The following MGARP variants were observed in gnomAD, a reference collection of about 807,000 sequenced individuals.
MGARP encodes the protein mitochondria localized glutamic acid rich protein.
Under a neutral mutation model 11.0 loss-of-function variants are expected in MGARP, and 12 were observed. The ratio of observed to expected loss-of-function variants is 1.09; its 90% CI spans 0.70 to 1.77. The LOEUF is 1.77. MGARP is among the 40% of genes most tolerant of loss of function. The pLI, the probability that MGARP is intolerant of heterozygous loss-of-function variation, is 0.00. For synonymous variants in MGARP, 110 were observed against 115.4 expected, an observed-to-expected ratio of 0.95 and a Z score of 0.30; for missense variants, 283 against 297.8, an observed-to-expected ratio of 0.95 and a Z score of 0.36.
chr4:139,280,030 C>T (rs1198029741), intron 1 of MGARP, 47 bp downstream of exon 1: 3 of 1,598,250 alleles, frequency 1.9e-6, no homozygotes, highest in Non-Finnish European at 2.6e-6. Context: ...GCGAAATCTG[C>T]ACCCGAGGCG....
rs1744936715 is a variant in MGARP, at chr4:139,280,126, CAG to C, written c.31_32del (p.Leu11GlyfsTer25). On this transcript the variant is annotated frameshift_variant, in exon 1 of 4. Transcript: ENST00000398955. LOFTEE classifies it high-confidence loss of function. MYLRRAVSKT[L>X]ALPLRAPPNP... ...TGGGGGGCGCCCTCAGCGGCAGCGC[CAG>C]AGTCTTGGAGACCGCCCTGCGGAGA... 6.2e-6 allele frequency: 10 copies of C among 1,611,772 alleles called. No individual in the cohort carries two copies. Among genetic ancestry groups the C allele is most frequent in the Non-Finnish European group, 7.6e-6 (9 of 1,179,716 alleles).
At chr4:139,279,929 G>T in intron 1 of MGARP, 148 bp downstream of exon 1, 1 of 798,986 alleles carries the variant, frequency 1.3e-6, no homozygotes, top group Non-Finnish European at 2.0e-6. Context: ...CTTCCCGGGA[G>T]TCTCCCCCAG....
chr4:139,271,972 T>C (rs145881526), intron 2 of MGARP, among the ~76,000 whole-genome samples: 1 of 152,232 alleles, frequency 6.6e-6, no homozygotes, highest in East Asian at 1.9e-4. Context: ...TGGTACATAT[T>C]AATATAATCA....
rs1161597102 is a variant in MGARP at position 139,280,098 on chromosome 4, G to T, written c.61C>A (p.Pro21Thr). The part of the protein sequence containing the change: ...LALPLRAPPN[P>T]APLGKDASLR... ...TCACCGTCCTTTCCGAGCGGCGCGG[G>T]GTTGGGGGGCGCCCTCAGCGGCAGC... The change falls in exon 1 of 4, where the codon CCC becomes ACC. Residue 21 changes from proline (P) to threonine (T), a missense_variant. Coordinates refer to ENST00000398955, the MANE Select transcript of MGARP (RefSeq NM_032623.4). 6.2e-7 allele frequency: 1 copy of T among 1,612,236 alleles called. No individual in the cohort carries two copies. Among genetic ancestry groups the T allele is most frequent in the Non-Finnish European group, 8.5e-7 (1 of 1,179,754 alleles).
At chr4:139,273,904 A>C (rs1744826637) in intron 2 of MGARP, among the ~76,000 whole-genome samples, 1 of 152,228 alleles carries the variant, frequency 6.6e-6, no homozygotes, top group Non-Finnish European at 1.5e-5. Context: ...TTAACTAAAA[A>C]ATGTCTGTCA....
chr4:139,270,502 G>T (rs1454428367), intron 2 of MGARP, among the ~76,000 whole-genome samples: 1 of 150,902 alleles, frequency 6.6e-6, no homozygotes, highest in African/African-American at 2.4e-5. Flanking sequence ...CCAACTACTC[G>T]GGAGGCTGAG....
chr4:139,273,385 A>G, intron 2 of MGARP, among the ~76,000 whole-genome samples: 1 of 151,298 alleles, frequency 6.6e-6, no homozygotes, highest in East Asian at 1.9e-4. Context: ...ACGCTGGGCT[A>G]ATTTTTTTAT....
chr4:139,266,480 C>A lies in MGARP; in HGVS notation c.*119G>T, dbSNP rs149607840. On this transcript the variant is annotated 3_prime_UTR_variant, in exon 4 of 4. Transcript: ENST00000398955. ...CAGTGGATGCCAAAAATCTTCAAGA[C>A]CCATTAACGTTTTCTAGAAAATAAG... 7.3e-4 allele frequency: 694 copies of A among 955,056 alleles called. 1 individual carries two copies. The African/African-American group carries it at 8.3e-3, about 11-fold the overall frequency. 59.2% of individuals were successfully genotyped at this position (955,056 alleles called of 1,614,324 possible). A position where few individuals can be genotyped will look rare whatever the true frequency, so the allele number is the denominator to read the frequency against.
rs756191348 is a variant in MGARP, at chr4:139,280,080, C to T, written c.79G>A (p.Asp27Asn). 4 of 1,612,242 alleles carry T rather than the reference C, an allele frequency of 2.5e-6. No individual in the cohort carries two copies. In the South Asian group the frequency reaches 4.4e-5, roughly 18 times the overall value. ...CGGGCTAGACCTCCTTACTCACCGT[C>T]CTTTCCGAGCGGCGCGGGGTTGGGG... is the stretch of plus-strand genomic sequence containing the variant. ...APPNPAPLGK[D>N]ASLRRMSSNR... Residue 27 changes from aspartate to asparagine, a missense_variant, in exon 1 of 4, where the codon GAC becomes AAC. Transcript: ENST00000398955.
Position 139,267,010 on chromosome 4 carries a change from T to G in MGARP, c.312A>C (p.Lys104Asn). ...GEKENVAETE[K>N]ASSEAPEELI... Reference sequence around the variant, plus strand: ...GTTCTTCTGGGGCTTCTGAACTTGCTTTCTCAGTTTCCGCAACATTCTCCT... The same window carrying G: ...GTTCTTCTGGGGCTTCTGAACTTGCGTTCTCAGTTTCCGCAACATTCTCCT... The change falls in exon 4 of 4, where the codon AAA (lysine) becomes AAC (asparagine). Residue 104 changes from lysine to asparagine, a missense_variant. Lys to Asn is a moderately conservative substitution (Grantham distance 94, BLOSUM62 0). Coordinates refer to ENST00000398955, the MANE Select transcript of MGARP (RefSeq NM_032623.4). 5.0e-6 allele frequency: 8 copies of G among 1,613,924 alleles called. No individual in the cohort carries two copies. Among genetic ancestry groups the G allele is most frequent in the Non-Finnish European group, 6.8e-6 (8 of 1,179,850 alleles).
rs745595298 is a variant in MGARP at position 139,275,293 on chromosome 4, T to C, written c.182A>G (p.Tyr61Cys). ...VVGVTVSAGGYYAYKTVTSDQ... is the reference protein window; with the variant it reads ...VVGVTVSAGGCYAYKTVTSDQ... ...TGTGGTTATATAATCACTTACATAA[T>C]ATCCACCAGCACTGACTGTGACGCC... Residue 61 changes from tyrosine (Y) to cysteine (C), a missense_variant, in exon 2 of 4, where the codon TAT (tyrosine) becomes TGT (cysteine). By Grantham distance (194) the Tyr-to-Cys change is radical. Coordinates refer to ENST00000398955, the MANE Select transcript of MGARP (RefSeq NM_032623.4). The C allele has an allele frequency of 1.2e-6, 2 of 1,611,996 alleles. No homozygotes were observed. The highest frequency in any genetic ancestry group is 1.7e-6 in the Non-Finnish European group (2 of 1,178,566).
chr4:139,279,925 G>A, intron 1 of MGARP, 152 bp downstream of exon 1: 1 of 780,836 alleles, frequency 1.3e-6, no homozygotes, highest in Non-Finnish European at 2.1e-6. Context: ...ACGTCTTCCC[G>A]GGAGTCTCCC....
At chr4:139,267,710 C>T (rs1045055395) in intron 3 of MGARP, among the ~76,000 whole-genome samples, 1 of 152,166 alleles carries the variant, frequency 6.6e-6, no homozygotes, top group Non-Finnish European at 1.5e-5. Context: ...TATTCTGTTT[C>T]TTATTATTGT....
In MGARP at chr4:139,280,206, T is replaced by C. The variant is rs538712347; in HGVS notation, c.-48A>G. On this transcript the variant is annotated 5_prime_UTR_variant, in exon 1 of 4. Transcript: ENST00000398955. ...GCAGCCTCGGTACCCAGGCGCAGGC[T>C]GCCCTTCCACAGAGAGGCTGAGAGC... is the stretch of plus-strand genomic sequence containing the variant. 5.1e-6 allele frequency: 8 copies of C among 1,560,082 alleles called. No individual in the cohort carries two copies. In the East Asian group the frequency reaches 1.9e-4, roughly 37 times the overall value.
chr4:139,275,430 G>A (rs1744852621), intron 1 of MGARP, 38 bp from the exon 2 acceptor site: 1 of 1,506,468 alleles, frequency 6.6e-7, no homozygotes, highest in Non-Finnish European at 9.2e-7. Context: ...AGCTTCACTA[G>A]TTGAGCAAAA....
At chr4:139,271,422 G>A (rs1218010279) in intron 2 of MGARP, among the ~76,000 whole-genome samples, 3 of 151,972 alleles carry the variant, frequency 2.0e-5, no homozygotes, top group African/African-American at 4.8e-5. Flanking sequence ...GCTGCTCAGG[G>A]GGCCGAGGCA....
chr4:139,278,412 T>C (rs1744904654), intron 1 of MGARP, among the ~76,000 whole-genome samples: 2 of 152,220 alleles, frequency 1.3e-5, no homozygotes, highest in South Asian at 4.1e-4. Context: ...TAATAGTTCT[T>C]AAATACATTT....
At chr4:139,269,351 G>A (rs776389515) in intron 2 of MGARP, among the ~76,000 whole-genome samples, 2 of 152,062 alleles carry the variant, frequency 1.3e-5, no homozygotes, top group Non-Finnish European at 2.9e-5. Context: ...GAATCAGGCC[G>A]GGTGCGGTGG....
chr4:139,269,934 C>T (rs2110730023), intron 2 of MGARP, among the ~76,000 whole-genome samples: 1 of 152,048 alleles, frequency 6.6e-6, no homozygotes, highest in East Asian at 1.9e-4. Flanking sequence ...AAACCAAGTA[C>T]CTTATTTAAA....
Sources: gnomAD v4.1 joint callset for allele counts (sites outside exome capture counted in the v4.1 genomes callset) on GRCh38, gnomAD v4.1.1 for gene constraint, MANE v1.5 for transcripts, NCBI Gene and HGNC (gene_info 2026-07-23, HGNC 2026-07-21) for gene names.